Variants in ERC2 observed in about 807,000 individuals in gnomAD.
The protein encoded by ERC2 is ELKS/RAB6-interacting/CAST family member 2, also known as ERC protein 2.
ERC2 carries 42 observed loss-of-function variants against 114.8 expected under a neutral mutation model. The ratio of observed to expected loss-of-function variants is 0.37; its 90% confidence interval spans 0.29 to 0.47. ERC2 has a LOEUF of 0.47. Ranked by LOEUF, ERC2 falls within the 20% of genes least tolerant of loss-of-function variation. The pLI is 0.99. For missense variants in ERC2, 939 were observed against 1,150.7 expected, an observed-to-expected ratio of 0.82 and a Z score of 2.66; for synonymous variants, 454 against 425.5, an observed-to-expected ratio of 1.07 and a Z score of -0.82.
At chr3:55,847,557 A>C (rs1261055235) in intron 14 of ERC2, among the ~76,000 whole-genome samples, 2 of 152,232 alleles carry the variant, frequency 1.3e-5, no homozygotes, top group African/African-American at 4.8e-5. Context: ...GCTGTGCATC[A>C]TCACCAGCAT....
intron 2 of ERC2, among the ~76,000 whole-genome samples, chr3:56,346,774 C>T (rs1487889986): frequency 5.3e-5 from 8 of 152,148 alleles, no homozygotes; most frequent in Non-Finnish European, 7.3e-5. Context: ...TTATTTCTCA[C>T]CGTTCTGGAG....
intron 2 of ERC2, among the ~76,000 whole-genome samples, chr3:56,313,043 G>T (rs1395426357): frequency 3.3e-5 from 1 of 30,486 alleles, no homozygotes; most frequent in Non-Finnish European, 8.8e-5. Flanking sequence ...TATATGGGGT[G>T]GGAGATGAGT....
At chr3:56,409,862 G>C (rs1451777113) in intron 2 of ERC2, among the ~76,000 whole-genome samples, 1 of 152,150 alleles carries the variant, frequency 6.6e-6, no homozygotes, top group Non-Finnish European at 1.5e-5. Flanking sequence ...TCTGTGCTCT[G>C]TGCTGTGGGC....
intron 3 of ERC2, among the ~76,000 whole-genome samples, chr3:56,248,607 G>A (rs951258892): frequency 6.6e-6 from 1 of 152,096 alleles, no homozygotes; most frequent in African/African-American, 2.4e-5. Flanking sequence ...CAACAATTAT[G>A]CAAACATTTG....
chr3:56,174,564 CT>C (rs1575687641), intron 3 of ERC2, among the ~76,000 whole-genome samples: 1 of 152,132 alleles, frequency 6.6e-6, no homozygotes, highest in Admixed American at 6.5e-5. Context: ...CAAACATTTA[CT>C]TTTTTTAAAA....
intron 16 of ERC2, among the ~76,000 whole-genome samples, chr3:55,689,305 T>C (rs2062506417): frequency 2.0e-5 from 3 of 152,182 alleles, no homozygotes; most frequent in Admixed American, 2.0e-4. Context: ...AGAAACTAGT[T>C]TTCTATTTCC....
intron 2 of ERC2, among the ~76,000 whole-genome samples, chr3:56,364,727 T>G (rs991454541): frequency 1.3e-5 from 2 of 152,216 alleles, no homozygotes; most frequent in Non-Finnish European, 2.9e-5. Flanking sequence ...TTTAAAATGT[T>G]AAAACTTTAA....
intron 17 of ERC2, among the ~76,000 whole-genome samples, chr3:55,542,104 G>A (rs575347179): frequency 1.1e-4 from 16 of 152,254 alleles, no homozygotes; most frequent in South Asian, 2.1e-4. Flanking sequence ...ATCTAAGATC[G>A]CAGGATTTAT....
At chr3:56,095,332 A>C (rs1196332033) in intron 6 of ERC2, among the ~76,000 whole-genome samples, 2 of 152,192 alleles carry the variant, frequency 1.3e-5, no homozygotes, top group East Asian at 3.8e-4. Flanking sequence ...TCTAAGCAAG[A>C]GAAAAAGCCT....
intron 14 of ERC2, among the ~76,000 whole-genome samples, chr3:55,820,596 C>A (rs1447874324): frequency 6.6e-6 from 1 of 152,116 alleles, no homozygotes; most frequent in African/African-American, 2.4e-5. Context: ...TAAAGACTCG[C>A]TCTACCCATT....
At chr3:55,827,374 CAGAA>C (rs543598590) in intron 14 of ERC2, among the ~76,000 whole-genome samples, 11 of 140,198 alleles carry the variant, frequency 7.8e-5, no homozygotes, top group Non-Finnish European at 1.4e-4. Flanking sequence ...AAGAAAGAGA[CAGAA>C]AGAAAGAAAA....
At chr3:55,701,947 G>C (rs989206975) in intron 15 of ERC2, among the ~76,000 whole-genome samples, 1 of 152,192 alleles carries the variant, frequency 6.6e-6, no homozygotes, top group East Asian at 1.9e-4. Context: ...GAAGGGACTC[G>C]CTCAAGAATG....
intron 6 of ERC2, among the ~76,000 whole-genome samples, chr3:56,115,263 C>T (rs969245561): frequency 6.6e-6 from 1 of 152,158 alleles, no homozygotes; most frequent in Non-Finnish European, 1.5e-5. Flanking sequence ...GTTACAAACC[C>T]AGAAGCTCTC....
intron 3 of ERC2, among the ~76,000 whole-genome samples, chr3:56,236,875 C>T (rs1270089680): frequency 3.3e-5 from 5 of 152,258 alleles, no homozygotes; most frequent in East Asian, 1.9e-4. Context: ...TTCCTCCAAT[C>T]GATGCAAAAA....
chr3:56,179,492 C>A (rs1288753208), intron 3 of ERC2, among the ~76,000 whole-genome samples: 2 of 152,068 alleles, frequency 1.3e-5, no homozygotes, highest in Non-Finnish European at 2.9e-5. Context: ...GTGATAAGGA[C>A]AGACCCATCA....
chr3:56,208,531 C>T (rs1034238076), intron 3 of ERC2, among the ~76,000 whole-genome samples: 5 of 152,176 alleles, frequency 3.3e-5, no homozygotes, highest in African/African-American at 1.2e-4. Context: ...GATTTAACAG[C>T]AAACACAAGG....
rs79234567 is a variant in ERC2 at position 56,106,292 on chromosome 3, A to G, written c.1474-25308T>C. 2.8e-3 allele frequency among the ~76,000 whole-genome samples: 432 copies of G among 152,362 alleles called. 1 individual carries two copies. Among genetic ancestry groups the G allele is most frequent in the African/African-American group, 0.01 (419 of 41,588 alleles). ...GCACCTCCAGAGATACAATAGAATT[A>G]CACTGGCCCCATGGAAAAAGGAAAA... On this transcript the variant is annotated intron_variant, in intron 6 of 17. Coordinates refer to ENST00000288221, the MANE Select transcript of ERC2 (RefSeq NM_015576.3).
chr3:56,253,136 T>C (rs2052289554), intron 3 of ERC2, among the ~76,000 whole-genome samples: 1 of 152,176 alleles, frequency 6.6e-6, no homozygotes, highest in African/African-American at 2.4e-5. Flanking sequence ...AGCTGGTTAT[T>C]CTAAGAAGGA....
intron 2 of ERC2, among the ~76,000 whole-genome samples, chr3:56,383,556 A>C (rs2059830280): frequency 6.6e-6 from 1 of 152,228 alleles, no homozygotes; most frequent in Admixed American, 6.5e-5. Flanking sequence ...GTGGATACTC[A>C]ACAAAATGTG....
Sources: allele counts gnomAD v4.1 joint callset (sites outside exome capture counted in the v4.1 genomes callset), GRCh38; gene constraint gnomAD v4.1.1; transcripts MANE v1.5; gene names NCBI Gene and HGNC (gene_info 2026-07-23, HGNC 2026-07-21).